ZNF658: variants seen among roughly 807,000 people sequenced by gnomAD.
The protein encoded by ZNF658 is zinc finger protein 658.
ZNF658 carries 46 observed loss-of-function variants against 78.0 expected under a neutral mutation model. The ratio of observed to expected loss-of-function variants is 0.59; its 90% CI spans 0.47 to 0.75. ZNF658 has a LOEUF of 0.75. ZNF658 is among the 30% of genes least tolerant of loss of function. The pLI, the probability that ZNF658 is intolerant of heterozygous loss-of-function variation, is 0.00. For synonymous variants in ZNF658, 279 were observed against 408.4 expected (o/e 0.68, Z 3.82); for missense variants, 785 against 1,189.3 (o/e 0.66, Z 5.00).
At chr9:66,905,840 T>C (rs1267101729) in intron 2 of ZNF658, among the ~76,000 whole-genome samples, 2 of 144,638 alleles carry the variant, frequency 1.4e-5, no homozygotes, top group African/African-American at 5.3e-5. Flanking sequence ...TGTAACATAG[T>C]TGATTTAAAG....
rs200176938 is a variant in ZNF658, at chr9:66,920,348, C to T, written c.2782C>T (p.His928Tyr). Residue 928 changes from histidine (H) to tyrosine (Y), a missense_variant, in exon 5 of 5, where the codon CAT becomes TAT. This residue lies in a region of ZNF658 where 85 missense variants were observed against 108.6 expected (regional missense o/e 0.78). Coordinates refer to ENST00000621410, the MANE Select transcript of ZNF658 (RefSeq NM_033160.7). ...TFSEKSYVSA[H>Y]QRVHTGEKPY... ...CTCTGAGAAGTCATATGTTAGTGCACATCAGAGAGTTCATACGGGGGAGAA... is the reference window on the plus strand; with the variant it reads ...CTCTGAGAAGTCATATGTTAGTGCATATCAGAGAGTTCATACGGGGGAGAA... The T allele has an allele frequency of 3.1e-6, 5 of 1,613,690 alleles. No homozygotes were observed. The highest frequency in any genetic ancestry group is 4.2e-6 in the Non-Finnish European group (5 of 1,179,950).
In ZNF658 at chr9:66,917,293, C is replaced by A. The variant is rs576922708; in HGVS notation, c.239-512C>A. On this transcript the variant is annotated intron_variant, in intron 4 of 4. Coordinates refer to ENST00000621410, the MANE Select transcript of ZNF658 (RefSeq NM_033160.7). ...ATGTGGGAGGAAAGGGGTTACTACTCCACCTTGACTGGCCCCGGAAATAAT... is the reference window on the plus strand; with the variant it reads ...ATGTGGGAGGAAAGGGGTTACTACTACACCTTGACTGGCCCCGGAAATAAT... Among the ~76,000 whole-genome samples, 100 of 146,320 alleles carry A rather than the reference C, an allele frequency of 6.8e-4. 2 individuals are homozygous for A. The highest frequency in any genetic ancestry group is 2.3e-3 in the African/African-American group (90 of 38,846).
chr9:66,909,936 T>A (rs1013413033), intron 4 of ZNF658, among the ~76,000 whole-genome samples: 4 of 152,216 alleles, frequency 2.6e-5, no homozygotes, highest in African/African-American at 9.7e-5. Context: ...GTGAAGCGTC[T>A]CTTCCTGGCT....
At chr9:66,903,230 C>T (rs1366916692) in intron 1 of ZNF658, 12 of 317,200 alleles carry the variant, frequency 3.8e-5, no homozygotes, top group Non-Finnish European at 6.5e-5. Flanking sequence ...CGCACATAAT[C>T]GTATCAGAGA....
intron 4 of ZNF658, among the ~76,000 whole-genome samples, chr9:66,912,132 C>CA (rs1204033388): frequency 0.61 from 29,675 of 48,972 alleles, 8,711 homozygotes; most frequent in Non-Finnish European, 0.64. Flanking sequence ...GACCCCATCT[C>CA]AAAAAAAAAA....
chr9:66,908,681 A>T lies in ZNF658; in HGVS notation c.185A>T (p.Lys62Ile). The change falls in exon 4 of 5, where the codon AAA (lysine) becomes ATA (isoleucine). Residue 62 changes from lysine (K) to isoleucine (I), a missense_variant. Around this residue, in one of 12 missense-constraint regions of ZNF658, gnomAD observed 79 missense variants for 96.5 expected, o/e 0.82. Transcript: ENST00000621410. ...CCTAAGGTGATCTCCAAGTTGGAGA[A>T]AGGAGAAGAGCCATGGTCTTTAGAA... ...TKPKVISKLE[K>I]GEEPWSLEDE... The T allele has an allele frequency of 6.3e-7, 1 of 1,593,190 alleles. No individual in the cohort carries two copies. Among genetic ancestry groups the T allele is most frequent in the East Asian group, 2.2e-5 (1 of 44,614 alleles).
At chr9:66,912,878 T>C (rs1209079132) in intron 4 of ZNF658, among the ~76,000 whole-genome samples, 3 of 150,704 alleles carry the variant, frequency 2.0e-5, no homozygotes, top group Non-Finnish European at 4.4e-5. Flanking sequence ...AAACCCTGTC[T>C]CTACTAAAAA....
At chr9:66,930,661 A>T (rs1240678129) in intron 6 of ZNF658, among the ~76,000 whole-genome samples, 3 of 152,128 alleles carry the variant, frequency 2.0e-5, no homozygotes, top group Non-Finnish European at 4.4e-5. Context: ...AATACAACAG[A>T]GCAAGACTCC....
At chr9:66,924,169 AG>A (rs1462221405), downstream of ZNF658, 6 of 147,956 alleles carry the variant, frequency 4.1e-5, no homozygotes, top group African/African-American at 2.4e-4. Flanking sequence ...AAAAAGAAGA[AG>A]AAGGAGAGAA....
intron 4 of ZNF658, among the ~76,000 whole-genome samples, chr9:66,914,912 G>T (rs1407151028): frequency 6.6e-6 from 1 of 150,540 alleles, no homozygotes; most frequent in South Asian, 2.1e-4. Flanking sequence ...GGATGAGGCA[G>T]GCCTTATAAA....
chr9:66,907,261 A>G (rs1822100752), intron 2 of ZNF658, among the ~76,000 whole-genome samples: 1 of 152,136 alleles, frequency 6.6e-6, no homozygotes, highest in African/African-American at 2.4e-5. Flanking sequence ...GTGCTCTAAA[A>G]TCATATGTAT....
chr9:66,914,308 A>T (rs1400428335), intron 4 of ZNF658, among the ~76,000 whole-genome samples: 1 of 151,424 alleles, frequency 6.6e-6, no homozygotes, highest in Non-Finnish European at 1.5e-5. Context: ...TAAAATTCCA[A>T]TTCATCATTG....
chr9:66,908,734 G>T lies in ZNF658; in HGVS notation c.238G>T (p.Gly80Trp), dbSNP rs1822142589. The T allele has an allele frequency of 3.7e-6, 6 of 1,610,592 alleles. No individual in the cohort carries two copies. Among genetic ancestry groups the T allele is most frequent in the Non-Finnish European group, 5.1e-6 (6 of 1,178,822 alleles). ...EDEFLNQRYPGYFKVDHIKGI... is the reference protein window; with the variant it reads ...EDEFLNQRYPWYFKVDHIKGI... ...TGAATTCCTGAACCAGAGGTACCCA[G>T]GTGAGTGGGCATTAACAGAAGGAGC... The change falls in exon 4 of 5, where the codon GGG (glycine) becomes TGG (tryptophan). Residue 80 changes from glycine (G) to tryptophan (W), a missense_variant and splice_region_variant. Around this residue, in one of 12 missense-constraint regions of ZNF658, gnomAD observed 79 missense variants for 96.5 expected, o/e 0.82. Coordinates refer to ENST00000621410, the MANE Select transcript of ZNF658 (RefSeq NM_033160.7).
In ZNF658 at chr9:66,918,797, A is replaced by G; in HGVS notation, c.1231A>G (p.Thr411Ala). Reference protein sequence around the residue: ...QHQRPHSGEKTYQYEECAKSF... With the variant: ...QHQRPHSGEKAYQYEECAKSF... ...TCAGAGGCCCCACTCAGGAGAGAAAACTTACCAATATGAGGAATGTGCAAA... is the reference window on the plus strand; with the variant it reads ...TCAGAGGCCCCACTCAGGAGAGAAAGCTTACCAATATGAGGAATGTGCAAA... The change falls in exon 5 of 5, where the codon ACT becomes GCT. Residue 411 changes from threonine to alanine, a missense_variant. Physicochemically the swap from Thr to Ala is moderately conservative, Grantham distance 58 (BLOSUM62 0). This residue lies in a region of ZNF658 where 393 missense variants were observed against 400.2 expected (regional missense o/e 0.98). Transcript: ENST00000621410. 1.2e-6 allele frequency: 2 copies of G among 1,613,750 alleles called. No homozygotes were observed. The highest frequency in any genetic ancestry group is 8.5e-7 in the Non-Finnish European group (1 of 1,179,816).
At chr9:66,910,099 C>A (rs924810843) in intron 4 of ZNF658, among the ~76,000 whole-genome samples, 10 of 152,112 alleles carry the variant, frequency 6.6e-5, no homozygotes, top group African/African-American at 2.2e-4. Flanking sequence ...CATTTTTACC[C>A]TTTTTGCCTC....
Position 66,928,696 on chromosome 9 carries a change from C to CAA in ZNF658, c.*55-3315_*55-3314dup, listed in dbSNP as rs61272144. Among the ~76,000 whole-genome samples the CAA allele has an allele frequency of 6.1e-3, 793 of 129,088 alleles. 8 individuals carry two copies. Among genetic ancestry groups the CAA allele is most frequent in the African/African-American group, 0.013 (433 of 33,336 alleles). The allele number at this position is 129,088 out of a possible 152,430, so 84.7% of individuals were successfully genotyped here. ...TGAAACCCCATCTCTACTAAAAATA[C>CAA]AAAAAAAAAAAAAAATAGCCAGGAG... On this transcript the variant is annotated intron_variant and NMD_transcript_variant, in intron 6 of 6. Transcript: ENST00000622180.
downstream of ZNF658, among the ~76,000 whole-genome samples, chr9:66,926,405 T>C (rs564729595): frequency 6.6e-6 from 1 of 152,036 alleles, no homozygotes; most frequent in South Asian, 2.1e-4. Context: ...AATGTAAAAA[T>C]CAATTGCATT....
At chr9:66,904,748 T>C (rs1822034149) in intron 2 of ZNF658, among the ~76,000 whole-genome samples, 1 of 152,180 alleles carries the variant, frequency 6.6e-6, no homozygotes. Flanking sequence ...CTCCATAGTT[T>C]TGCTGAACCA....
At chr9:66,907,539 A>T (rs1047631698) in intron 2 of ZNF658, among the ~76,000 whole-genome samples, 5 of 152,066 alleles carry the variant, frequency 3.3e-5, no homozygotes, top group African/African-American at 1.2e-4. Flanking sequence ...GGTAACCACC[A>T]TTCTACTGTC....
Sources: allele counts gnomAD v4.1 joint callset (sites outside exome capture counted in the v4.1 genomes callset), GRCh38; gene constraint gnomAD v4.1.1; regional missense constraint gnomAD v4.1.1; transcripts MANE v1.5; gene names NCBI Gene and HGNC (gene_info 2026-07-23, HGNC 2026-07-21).